Variants in TGFA observed in about 807,000 individuals in gnomAD.
TGFA encodes transforming growth factor alpha.
Under a neutral mutation model 21.7 loss-of-function variants are expected in TGFA, and 12 were observed. The ratio of observed to expected loss-of-function variants is 0.55; its 90% CI spans 0.35 to 0.90. TGFA has a LOEUF of 0.90. Among genes scored for constraint, TGFA ranks in the 40% least tolerant of loss-of-function variants. The pLI is 0.01. For synonymous variants in TGFA, 79 were observed against 88.1 expected, an observed-to-expected ratio of 0.90 and a Z score of 0.58; for missense variants, 178 against 210.8, an observed-to-expected ratio of 0.84 and a Z score of 0.96.
intron 1 of TGFA, among the ~76,000 whole-genome samples, chr2:70,519,942 A>C (rs1366464731): frequency 1.1e-4 from 16 of 152,212 alleles, no homozygotes; most frequent in Admixed American, 1.0e-3. Context: ...CCACTCCTTC[A>C]CTGTGAGATC....
intron 1 of TGFA, among the ~76,000 whole-genome samples, chr2:70,542,366 C>T (rs1016866415): frequency 3.3e-5 from 5 of 152,038 alleles, no homozygotes; most frequent in South Asian, 2.1e-4. Context: ...ATGATGAAAA[C>T]GAGTAAAGGT....
rs11466220 is a variant in TGFA, at chr2:70,514,962, G to A, written c.41-50C>T. 3.4e-3 allele frequency: 5,395 copies of A among 1,572,518 alleles called. 130 individuals carry two copies. In the African/African-American group the frequency reaches 0.05, roughly 14 times the overall value. On this transcript the variant is annotated intron_variant, in intron 1 of 5. Transcript: ENST00000295400. ...AAAGGTCAGAGTCTGCTTGGCAAATGATGTCCTCAGACGCTTAGAGGGCAG... is the reference window on the plus strand; with the variant it reads ...AAAGGTCAGAGTCTGCTTGGCAAATAATGTCCTCAGACGCTTAGAGGGCAG...
At chr2:70,525,604 C>T (rs1672608883) in intron 1 of TGFA, among the ~76,000 whole-genome samples, 1 of 152,116 alleles carries the variant, frequency 6.6e-6, no homozygotes, top group Non-Finnish European at 1.5e-5. Flanking sequence ...TCCTTGGGCC[C>T]CAGAAGCAAG....
chr2:70,451,138 G>A (rs1486424321), intron 5 of TGFA, among the ~76,000 whole-genome samples: 1 of 151,618 alleles, frequency 6.6e-6, no homozygotes, highest in African/African-American at 2.4e-5. Context: ...GGGAGCGGGG[G>A]GATGCCCCCT....
At chr2:70,510,862 C>G (rs1672075265) in intron 2 of TGFA, among the ~76,000 whole-genome samples, 1 of 152,120 alleles carries the variant, frequency 6.6e-6, no homozygotes, top group Admixed American at 6.5e-5. Context: ...CAAGAAAGGC[C>G]AGGCGTGGTG....
At chr2:70,547,785 GTATACTATCTATACAATA>G (rs1157435059) in intron 1 of TGFA, among the ~76,000 whole-genome samples, 1 of 146,680 alleles carries the variant, frequency 6.8e-6, no homozygotes, top group East Asian at 2.0e-4. Flanking sequence ...ATGTAATATA[GTATACTATCTATACAATA>G]TATACTATCT....
chr2:70,496,556 G>A (rs559021609), intron 2 of TGFA, among the ~76,000 whole-genome samples: 1 of 152,318 alleles, frequency 6.6e-6, no homozygotes, highest in South Asian at 2.1e-4. Flanking sequence ...AAACCTGAGA[G>A]CAAATATTGG....
In TGFA at chr2:70,478,565, C is replaced by T. The variant is rs79018909; in HGVS notation, c.95-12829G>A. ...GATCATATCTTGTTATAACTGGGAA[C>T]TTCTCATCCATCCATTCTTTAGTTT... On this transcript the variant is annotated intron_variant, in intron 2 of 5. Transcript: ENST00000295400. Among the ~76,000 whole-genome samples, 127 of 152,112 alleles carry T rather than the reference C, an allele frequency of 8.3e-4. 3 individuals are homozygous for T. The East Asian group carries it at 0.023, about 27-fold the overall frequency.
At chr2:70,477,898 C>A (rs1465376482) in intron 2 of TGFA, among the ~76,000 whole-genome samples, 1 of 152,200 alleles carries the variant, frequency 6.6e-6, no homozygotes, top group Non-Finnish European at 1.5e-5. Flanking sequence ...TAATGCCAAG[C>A]CTGAAGTCTG....
intron 1 of TGFA, among the ~76,000 whole-genome samples, chr2:70,522,687 G>A (rs1370071722): frequency 2.0e-5 from 3 of 152,094 alleles, no homozygotes; most frequent in East Asian, 1.9e-4. Flanking sequence ...CACCTGCCTC[G>A]ACCTCCCAAA....
intron 2 of TGFA, among the ~76,000 whole-genome samples, chr2:70,479,871 T>C (rs1553495093): frequency 1.3e-5 from 2 of 152,216 alleles, no homozygotes; most frequent in Non-Finnish European, 2.9e-5. Flanking sequence ...ATTCAATATC[T>C]TTACCCATTT....
At chr2:70,552,827 A>G (rs1308308010) in intron 1 of TGFA, among the ~76,000 whole-genome samples, 1 of 152,240 alleles carries the variant, frequency 6.6e-6, no homozygotes, top group Non-Finnish European at 1.5e-5. Context: ...TTCACGGAAG[A>G]CTAGCAATAA....
chr2:70,518,704 C>T (rs1672360889), intron 1 of TGFA, among the ~76,000 whole-genome samples: 1 of 152,220 alleles, frequency 6.6e-6, no homozygotes, highest in Non-Finnish European at 1.5e-5. Context: ...AGACACCCTT[C>T]ATCATCAACC....
At chr2:70,472,720 G>A (rs1209986340) in intron 2 of TGFA, among the ~76,000 whole-genome samples, 1 of 152,244 alleles carries the variant, frequency 6.6e-6, no homozygotes. Context: ...ACTTCATGCT[G>A]TGCTGGTCAG....
At chr2:70,514,582 T>A (rs1672209407) in intron 2 of TGFA, among the ~76,000 whole-genome samples, 1 of 152,134 alleles carries the variant, frequency 6.6e-6, no homozygotes, top group Non-Finnish European at 1.5e-5. Context: ...CTGCAGGCCC[T>A]GTTTTGGCAC....
rs189388899 is a variant in TGFA, at chr2:70,473,709, G to C, written c.95-7973C>G. 9.8e-4 allele frequency among the ~76,000 whole-genome samples: 149 copies of C among 152,072 alleles called. 1 individual carries two copies. The highest frequency in any genetic ancestry group is 1.4e-3 in the Non-Finnish European group (93 of 68,002). ...GGGGTGTGTGGGATGGTGGAGATGAGATAAATATAATTATGCAACTCATTC... is the reference window on the plus strand; with the variant it reads ...GGGGTGTGTGGGATGGTGGAGATGACATAAATATAATTATGCAACTCATTC... On this transcript the variant is annotated intron_variant, in intron 2 of 5. Transcript: ENST00000295400.
intron 2 of TGFA, among the ~76,000 whole-genome samples, chr2:70,470,695 C>T (rs541106078): frequency 2.6e-5 from 4 of 152,146 alleles, no homozygotes; most frequent in Non-Finnish European, 5.9e-5. Context: ...GTGGTGGTCT[C>T]GCTCTGTGTA....
chr2:70,452,281 C>T (rs11466269), intron 5 of TGFA, among the ~76,000 whole-genome samples: 4,288 of 152,192 alleles, frequency 0.028, 174 homozygotes, highest in African/African-American at 0.089. Context: ...AAAAGCTGGC[C>T]GGTGTGAGAC....
intron 5 of TGFA, 37 bp from the exon 6 acceptor site, chr2:70,450,903 C>T (rs782436835): frequency 6.2e-7 from 1 of 1,600,108 alleles, no homozygotes; most frequent in Non-Finnish European, 8.5e-7. Context: ...CACTGTGGGC[C>T]ACACCCTGGC....
Sources: allele counts gnomAD v4.1 joint callset (sites outside exome capture counted in the v4.1 genomes callset), GRCh38; gene constraint gnomAD v4.1.1; transcripts MANE v1.5; gene names NCBI Gene and HGNC (gene_info 2026-07-23, HGNC 2026-07-21).